The following CORO2B variants were observed in gnomAD, a reference collection of about 807,000 sequenced individuals.
The protein encoded by CORO2B is coronin 2B, also known as coronin-2B.
A neutral mutation model predicts 58.8 loss-of-function variants in CORO2B; 26 were observed. That is an observed-to-expected ratio of 0.44 (90% CI 0.32 to 0.61). The LOEUF (loss-of-function observed/expected upper bound fraction) is 0.61. Among genes scored for constraint, CORO2B ranks in the 20% least tolerant of loss-of-function variants. The probability of loss-of-function intolerance (pLI) is 0.04; values close to 1 mark genes in which losing one functional copy is unlikely to be tolerated. For missense variants in CORO2B, 460 were observed against 645.1 expected (o/e 0.71, Z 3.11); for synonymous variants, 242 against 253.8 (o/e 0.95, Z 0.44).
intron 3 of CORO2B, among the ~76,000 whole-genome samples, chr15:68,695,605 G>T (rs1375475036): frequency 6.6e-6 from 1 of 152,148 alleles, no homozygotes; most frequent in Non-Finnish European, 1.5e-5. Flanking sequence ...AGGGAGAAAA[G>T]GAAGGAACTG....
At chr15:68,664,278 T>C (rs958234492) in intron 2 of CORO2B, among the ~76,000 whole-genome samples, 1 of 152,220 alleles carries the variant, frequency 6.6e-6, no homozygotes, top group African/African-American at 2.4e-5. Flanking sequence ...ACAAAATTGC[T>C]TTCCGTTGAG....
At chr15:68,611,474 G>A (rs564854934) in intron 1 of CORO2B, among the ~76,000 whole-genome samples, 1 of 151,892 alleles carries the variant, frequency 6.6e-6, no homozygotes, top group South Asian at 2.1e-4. Context: ...CATCAGGAGC[G>A]TTTCCCCATT....
At chr15:68,576,598 C>T (rs1303480303), upstream of CORO2B, among the ~76,000 whole-genome samples, 1 of 152,070 alleles carries the variant, frequency 6.6e-6, no homozygotes, top group Non-Finnish European at 1.5e-5. Context: ...GACTGGTGTC[C>T]TTGAGTTGCC....
At chr15:68,538,971 T>G in the CORO2B span, among the ~76,000 whole-genome samples, 4 of 152,256 alleles carry the variant, frequency 2.6e-5, no homozygotes, top group African/African-American at 9.6e-5. Context: ...TCCTTTTACA[T>G]TTTTATACCA....
chr15:68,636,601 AG>A (rs1901040211), intron 1 of CORO2B, among the ~76,000 whole-genome samples: 1 of 152,196 alleles, frequency 6.6e-6, no homozygotes, highest in African/African-American at 2.4e-5. Context: ...GGCTTGCCCA[AG>A]GGGCCCTGTG....
intron 1 of CORO2B, among the ~76,000 whole-genome samples, chr15:68,633,545 A>ACACACACACACACACT (rs1900925560): frequency 1.3e-5 from 2 of 150,768 alleles, no homozygotes; most frequent in African/African-American, 4.9e-5. Context: ...ACACACACAC[A>ACACACACACACACACT]CTCACTCCTT....
chr15:68,585,183 G>A (rs1311219412), intron 1 of CORO2B, among the ~76,000 whole-genome samples: 1 of 152,190 alleles, frequency 6.6e-6, no homozygotes, highest in East Asian at 1.9e-4. Flanking sequence ...GCTCTGTCAT[G>A]GTGGGGACGG....
intron 3 of CORO2B, among the ~76,000 whole-genome samples, chr15:68,699,039 A>G (rs984305264): frequency 1.3e-5 from 2 of 152,188 alleles, no homozygotes; most frequent in African/African-American, 4.8e-5. Context: ...TGACAGACAG[A>G]AAAAGGGTTA....
intron 3 of CORO2B, among the ~76,000 whole-genome samples, chr15:68,707,970 T>A (rs1490327084): frequency 6.6e-6 from 1 of 150,502 alleles, no homozygotes; most frequent in East Asian, 2.0e-4. Flanking sequence ...CTCACAGGAC[T>A]GTATGGGAGT....
chr15:68,662,258 T>G (rs2140287723), intron 2 of CORO2B, among the ~76,000 whole-genome samples: 1 of 152,340 alleles, frequency 6.6e-6, no homozygotes, highest in South Asian at 2.1e-4. Flanking sequence ...TTTCATATAA[T>G]GATTTCACCT....
upstream of CORO2B, among the ~76,000 whole-genome samples, chr15:68,574,496 G>A (rs559696624): frequency 6.6e-5 from 10 of 152,146 alleles, no homozygotes; most frequent in African/African-American, 1.7e-4. Flanking sequence ...AGTAGCACTC[G>A]GTACAGGGCC....
At chr15:68,533,991 C>A in the CORO2B span, among the ~76,000 whole-genome samples, 1 of 152,156 alleles carries the variant, frequency 6.6e-6, no homozygotes, top group Non-Finnish European at 1.5e-5. Flanking sequence ...CTCTCCCTGA[C>A]CCCTGGCTTC....
the CORO2B span, among the ~76,000 whole-genome samples, chr15:68,570,484 G>A: frequency 5.9e-5 from 9 of 152,214 alleles, no homozygotes; most frequent in Non-Finnish European, 1.2e-4. Flanking sequence ...GGAAACTTCC[G>A]GGTGGTGACT....
intron 2 of CORO2B, among the ~76,000 whole-genome samples, chr15:68,655,630 G>C (rs561135012): frequency 5.9e-5 from 9 of 152,208 alleles, no homozygotes; most frequent in Non-Finnish European, 8.8e-5. Context: ...CTAAGGTGTC[G>C]ATGATAACAA....
chr15:68,658,043 G>A (rs910746097), intron 2 of CORO2B, among the ~76,000 whole-genome samples: 6 of 152,232 alleles, frequency 3.9e-5, no homozygotes, highest in Admixed American at 1.3e-4. Flanking sequence ...TTCACTGGCA[G>A]TTAGGAAACC....
chr15:68,523,080 T>G, the CORO2B span, among the ~76,000 whole-genome samples: 2 of 152,222 alleles, frequency 1.3e-5, no homozygotes, highest in Non-Finnish European at 1.5e-5. Flanking sequence ...AATTTGTTCT[T>G]TCTCTTGTCA....
At chr15:68,520,990 A>C in the CORO2B span, among the ~76,000 whole-genome samples, 7 of 152,136 alleles carry the variant, frequency 4.6e-5, no homozygotes, top group Non-Finnish European at 1.0e-4. Flanking sequence ...TGGAGGTTGA[A>C]GTGAGCCAAG....
chr15:68,719,103 C>A (rs372835828), intron 9 of CORO2B, 41 bp from the exon 10 acceptor site: 3 of 1,467,350 alleles, frequency 2.0e-6, no homozygotes, highest in East Asian at 2.3e-5. Flanking sequence ...GCTTTCCCAG[C>A]AGCCCCCCAT....
chr15:68,595,109 A>C (rs1899794363), intron 1 of CORO2B, among the ~76,000 whole-genome samples: 1 of 152,248 alleles, frequency 6.6e-6, no homozygotes, highest in South Asian at 2.1e-4. Flanking sequence ...TGTACCATGC[A>C]AAGTCCCAAC....
Sources: gnomAD v4.1 joint callset for allele counts (sites outside exome capture counted in the v4.1 genomes callset) on GRCh38, gnomAD v4.1.1 for gene constraint, MANE v1.5 for transcripts, NCBI Gene and HGNC (gene_info 2026-07-23, HGNC 2026-07-21) for gene names.